The following VSTM4 variants were observed in gnomAD, a reference collection of about 807,000 sequenced individuals.
VSTM4 encodes the protein V-set and transmembrane domain containing 4.
In VSTM4, 20 loss-of-function variants were observed where a neutral mutation model predicts 36.4. The observed-to-expected ratio is 0.55, with a 90% CI of 0.39 to 0.80. The LOEUF (loss-of-function observed/expected upper bound fraction) is 0.80. Among genes scored for constraint, VSTM4 ranks in the 30% least tolerant of loss-of-function variants. The pLI is 0.00. For missense variants in VSTM4, 392 were observed against 404.5 expected, an observed-to-expected ratio of 0.97 and a Z score of 0.26; for synonymous variants, 182 against 173.9, an observed-to-expected ratio of 1.05 and a Z score of -0.37.
In VSTM4 at chr10:49,064,684, A is replaced by G; in HGVS notation, c.668+19T>C. 6.2e-7 allele frequency: 1 copy of G among 1,603,246 alleles called. No individual in the cohort carries two copies. Among genetic ancestry groups the G allele is most frequent in the Non-Finnish European group, 8.5e-7 (1 of 1,176,544 alleles). ...ATGGCAAAGAGTTTCATCTGAAAAAAGGAAGAAAATATTCTTACCTGTTCT... is the reference window on the plus strand; with the variant it reads ...ATGGCAAAGAGTTTCATCTGAAAAAGGGAAGAAAATATTCTTACCTGTTCT... On this transcript the variant is annotated intron_variant, in intron 5 of 7. Transcript: ENST00000332853.
At chr10:49,100,784 A>G (rs1236353363) in intron 2 of VSTM4, among the ~76,000 whole-genome samples, 3 of 136,112 alleles carry the variant, frequency 2.2e-5, no homozygotes, top group Non-Finnish European at 4.6e-5. Context: ...CTAAATGTAT[A>G]AGAATAGCTA....
intron 7 of VSTM4, among the ~76,000 whole-genome samples, chr10:49,022,667 A>C (rs974177560): frequency 1.3e-5 from 2 of 152,154 alleles, no homozygotes; most frequent in African/African-American, 4.8e-5. Context: ...CCCTGTTTAC[A>C]TTCTCGCTTT....
chr10:49,062,879 T>G (rs1239745361), intron 5 of VSTM4, among the ~76,000 whole-genome samples: 3 of 152,226 alleles, frequency 2.0e-5, no homozygotes, highest in African/African-American at 7.2e-5. Flanking sequence ...ATCTCCACTC[T>G]CCTATTGAGC....
At chr10:49,082,099 C>T (rs1212008429) in intron 3 of VSTM4, among the ~76,000 whole-genome samples, 1 of 152,214 alleles carries the variant, frequency 6.6e-6, no homozygotes, top group African/African-American at 2.4e-5. Context: ...TGCAGAGTCA[C>T]CTTCCTGTCA....
At chr10:49,087,491 G>T (rs1844389664) in intron 2 of VSTM4, among the ~76,000 whole-genome samples, 1 of 152,152 alleles carries the variant, frequency 6.6e-6, no homozygotes, top group Non-Finnish European at 1.5e-5. Context: ...TTCCCTGATA[G>T]GAAGTTAGAG....
chr10:49,027,484 G>C (rs1843280878), intron 7 of VSTM4, among the ~76,000 whole-genome samples: 4 of 152,142 alleles, frequency 2.6e-5, no homozygotes, highest in African/African-American at 9.7e-5. Flanking sequence ...GGGTAAAATT[G>C]AGTTTTGAGG....
At chr10:49,102,220 C>T (rs1844680538) in intron 2 of VSTM4, 1 of 173,944 alleles carries the variant, frequency 5.7e-6, no homozygotes, top group African/African-American at 2.5e-5. Flanking sequence ...TCACTGCAGC[C>T]TTTGCCTCCT....
intron 7 of VSTM4, among the ~76,000 whole-genome samples, chr10:49,026,885 C>A (rs1352611770): frequency 6.6e-6 from 1 of 152,184 alleles, no homozygotes; most frequent in Admixed American, 6.5e-5. Context: ...AAGTACCAAG[C>A]CTTACACTAC....
chr10:49,096,308 C>G (rs1444023571), intron 2 of VSTM4, among the ~76,000 whole-genome samples: 4 of 152,206 alleles, frequency 2.6e-5, no homozygotes, highest in South Asian at 4.1e-4. Context: ...ATTATAATTT[C>G]ATCTTTGCCC....
intron 2 of VSTM4, among the ~76,000 whole-genome samples, chr10:49,090,058 G>A (rs970470020): frequency 2.0e-5 from 3 of 152,206 alleles, no homozygotes; most frequent in African/African-American, 7.2e-5. Context: ...TGAAGAGGAT[G>A]GAATGCTTTG....
At chr10:49,069,135 C>A (rs1189364222) in intron 4 of VSTM4, among the ~76,000 whole-genome samples, 1 of 152,110 alleles carries the variant, frequency 6.6e-6, no homozygotes, top group Non-Finnish European at 1.5e-5. Flanking sequence ...CCCATCTAGA[C>A]CTGTCCCTAT....
At chr10:49,074,910 C>T (rs562714272) in intron 4 of VSTM4, among the ~76,000 whole-genome samples, 4 of 151,940 alleles carry the variant, frequency 2.6e-5, no homozygotes, top group African/African-American at 4.8e-5. Flanking sequence ...TTCACCCTAC[C>T]GCTCCCTGGT....
At chr10:49,039,422 C>G (rs970236859) in intron 7 of VSTM4, among the ~76,000 whole-genome samples, 1 of 152,130 alleles carries the variant, frequency 6.6e-6, no homozygotes, top group Non-Finnish European at 1.5e-5. Flanking sequence ...AAAAATCCCC[C>G]GGTAGCCACG....
chr10:49,108,709 A>T (rs1008102260), intron 1 of VSTM4, among the ~76,000 whole-genome samples: 7 of 152,204 alleles, frequency 4.6e-5, no homozygotes, highest in African/African-American at 1.7e-4. Flanking sequence ...CTCTCCCAAC[A>T]ACCCAAAAGA....
intron 1 of VSTM4, among the ~76,000 whole-genome samples, chr10:49,108,488 G>A (rs1186095582): frequency 6.6e-6 from 1 of 152,140 alleles, no homozygotes; most frequent in African/African-American, 2.4e-5. Flanking sequence ...GCAGGGTAGG[G>A]CCCTCTCTCT....
intron 5 of VSTM4, among the ~76,000 whole-genome samples, chr10:49,051,390 C>CTTTTTT (rs796786621): frequency 5.4e-4 from 70 of 130,720 alleles, no homozygotes; most frequent in Non-Finnish European, 6.1e-4. Flanking sequence ...CAGCTCATTT[C>CTTTTTT]TTTTTTTTTT....
intron 7 of VSTM4, among the ~76,000 whole-genome samples, chr10:49,039,673 A>G (rs1023396008): frequency 6.6e-6 from 1 of 152,122 alleles, no homozygotes; most frequent in Non-Finnish European, 1.5e-5. Flanking sequence ...GGCATGGTTG[A>G]TGACGAGGCA....
At chr10:49,108,923 A>T (rs752205711) in intron 1 of VSTM4, among the ~76,000 whole-genome samples, 1 of 152,090 alleles carries the variant, frequency 6.6e-6, no homozygotes, top group Non-Finnish European at 1.5e-5. Context: ...GCCACGATTC[A>T]TGGTGTACCC....
At position 49,048,551 on chromosome 10, in the gene VSTM4, C is replaced by A; in HGVS notation, c.702G>T (p.Leu234Phe). 1.3e-6 allele frequency: 2 copies of A among 1,596,862 alleles called. No individual in the cohort carries two copies. Among genetic ancestry groups the A allele is most frequent in the East Asian group, 2.3e-5 (1 of 43,822 alleles). The change falls in exon 6 of 8, where the codon TTG (leucine) becomes TTT (phenylalanine). Residue 234 changes from leucine to phenylalanine, a missense_variant. Physicochemically the swap from Leu to Phe is conservative, Grantham distance 22. Transcript: ENST00000332853. The part of the protein sequence containing the change: ...SGETVTSVTS[L>F]APLQPKKGKR... Reference sequence around the variant, plus strand: ...TGCCCTTCTTGGGCTGTAGTGGGGCCAAGCTGGTCACGCTAGTGACAGTCT... The same window carrying A: ...TGCCCTTCTTGGGCTGTAGTGGGGCAAAGCTGGTCACGCTAGTGACAGTCT...
Sources: gnomAD v4.1 joint callset for allele counts (sites outside exome capture counted in the v4.1 genomes callset) on GRCh38, gnomAD v4.1.1 for gene constraint, MANE v1.5 for transcripts, NCBI Gene and HGNC (gene_info 2026-07-23, HGNC 2026-07-21) for gene names.